GAS7: variants seen among roughly 807,000 people sequenced by gnomAD.
GAS7 encodes the protein growth arrest specific 7, also known as growth arrest-specific protein 7.
In GAS7, 28 loss-of-function variants were observed where a neutral mutation model predicts 71.1. The ratio of observed to expected loss-of-function variants is 0.39; its 90% CI spans 0.29 to 0.54. The LOEUF is 0.54. Ranked by LOEUF, GAS7 falls within the 20% of genes least tolerant of loss-of-function variation. GAS7 has a pLI of 0.62. For synonymous variants in GAS7, 258 were observed against 245.8 expected (o/e 1.05, Z -0.46); for missense variants, 436 against 627.8 (o/e 0.69, Z 3.27).
intron 1 of GAS7, among the ~76,000 whole-genome samples, chr17:10,070,753 G>T (rs947475667): frequency 1.3e-5 from 2 of 151,950 alleles, no homozygotes; most frequent in African/African-American, 4.8e-5. Flanking sequence ...CAGCAAAGAT[G>T]CCGTCCCTCC....
At position 10,032,079 on chromosome 17, in the gene GAS7, G is replaced by A. The variant is rs1049966997; in HGVS notation, c.184-12182C>T. ...CAAGGGAAGCAGGGACTGCTTCCCCGCCTTGAAGCCTGGAGGGGTTGGGGA... is the reference window on the plus strand; with the variant it reads ...CAAGGGAAGCAGGGACTGCTTCCCCACCTTGAAGCCTGGAGGGGTTGGGGA... On this transcript the variant is annotated intron_variant, in intron 1 of 13. Coordinates refer to ENST00000432992, the MANE Select transcript of GAS7 (RefSeq NM_201433.2). Among the ~76,000 whole-genome samples, 6 of 136,858 alleles carry A rather than the reference G, an allele frequency of 4.4e-5. 1 individual carries two copies. The highest frequency in any genetic ancestry group is 7.7e-5 in the Admixed American group (1 of 13,070). 89.8% of individuals were successfully genotyped at this position (136,858 alleles called of 152,430 possible). A position where few individuals can be genotyped will look rare whatever the true frequency, so the allele number is the denominator to read the frequency against.
At chr17:10,155,270 C>G (rs2074197460) in intron 1 of GAS7, among the ~76,000 whole-genome samples, 1 of 152,112 alleles carries the variant, frequency 6.6e-6, no homozygotes, top group Non-Finnish European at 1.5e-5. Context: ...CCCATCTCGG[C>G]CTCCCAAAGT....
chr17:10,144,916 A>C (rs1324204428), intron 1 of GAS7, among the ~76,000 whole-genome samples: 2 of 152,242 alleles, frequency 1.3e-5, no homozygotes, highest in African/African-American at 4.8e-5. Flanking sequence ...TGGCAGGTAC[A>C]ACAGGCCAGA....
At chr17:10,144,198 G>C (rs1490511653) in intron 1 of GAS7, among the ~76,000 whole-genome samples, 1 of 152,214 alleles carries the variant, frequency 6.6e-6, no homozygotes, top group Non-Finnish European at 1.5e-5. Context: ...TTGGGGTCCT[G>C]TTCAAAGCTG....
At chr17:10,183,591 G>A (rs1393589058) in intron 1 of GAS7, among the ~76,000 whole-genome samples, 6 of 152,228 alleles carry the variant, frequency 3.9e-5, no homozygotes, top group Non-Finnish European at 7.3e-5. Flanking sequence ...TGTAATCCCA[G>A]CACTTTGGGA....
chr17:10,075,615 C>T (rs985984805), intron 1 of GAS7, among the ~76,000 whole-genome samples: 2 of 151,668 alleles, frequency 1.3e-5, no homozygotes, highest in South Asian at 2.1e-4. Flanking sequence ...GGCAATATAG[C>T]GAGACCCTAC....
intron 1 of GAS7, among the ~76,000 whole-genome samples, chr17:10,098,199 A>G (rs1470310801): frequency 6.6e-6 from 1 of 152,166 alleles, no homozygotes; most frequent in Non-Finnish European, 1.5e-5. Context: ...AGCACATGGA[A>G]TAAAGAGTGA....
intron 1 of GAS7, among the ~76,000 whole-genome samples, chr17:10,176,825 C>T (rs532126812): frequency 6.6e-6 from 1 of 152,120 alleles, no homozygotes; most frequent in Admixed American, 6.6e-5. Flanking sequence ...GATGACCTGG[C>T]TATACTCCTT....
chr17:10,127,790 G>C (rs973936425), intron 1 of GAS7, among the ~76,000 whole-genome samples: 5 of 152,136 alleles, frequency 3.3e-5, no homozygotes, highest in African/African-American at 1.2e-4. Flanking sequence ...GACTAGGAGA[G>C]GAATCTCTGA....
At chr17:10,055,146 T>C (rs1263064343) in intron 1 of GAS7, among the ~76,000 whole-genome samples, 1 of 152,046 alleles carries the variant, frequency 6.6e-6, no homozygotes, top group Non-Finnish European at 1.5e-5. Context: ...GGTAGGATAG[T>C]GCACATCCTC....
At position 10,145,300 on chromosome 17, in the gene GAS7, G is replaced by A. The variant is rs139273408; in HGVS notation, c.183+52908C>T. On this transcript the variant is annotated intron_variant, in intron 1 of 13. Coordinates refer to ENST00000432992, the MANE Select transcript of GAS7 (RefSeq NM_201433.2). ...CACTCTCTGTATATCAGAGAAGCACGGGGGAAAGTACACAGGAAGGAAAAT... is the reference window on the plus strand; with the variant it reads ...CACTCTCTGTATATCAGAGAAGCACAGGGGAAAGTACACAGGAAGGAAAAT... 1.4e-4 allele frequency among the ~76,000 whole-genome samples: 22 copies of A among 152,368 alleles called. No individual in the cohort carries two copies. In the East Asian group the frequency reaches 3.1e-3, roughly 21 times the overall value.
chr17:10,136,469 G>A (rs539250408), intron 1 of GAS7, among the ~76,000 whole-genome samples: 24 of 152,146 alleles, frequency 1.6e-4, no homozygotes, highest in Non-Finnish European at 2.4e-4. Context: ...AAGGCAGCGC[G>A]GCTGATGCAT....
chr17:10,197,992 A>C (rs2074553034), intron 1 of GAS7, among the ~76,000 whole-genome samples: 2 of 152,088 alleles, frequency 1.3e-5, no homozygotes, highest in African/African-American at 2.4e-5. Flanking sequence ...GCAAGGTGGA[A>C]GCTCCCCGCG....
At chr17:10,019,333 C>T (rs536415495) in intron 2 of GAS7, among the ~76,000 whole-genome samples, 4 of 152,254 alleles carry the variant, frequency 2.6e-5, no homozygotes, top group East Asian at 1.9e-4. Context: ...AGGGAAACCT[C>T]GCATTTGCAA....
rs2067998416 is a variant in GAS7, at chr17:9,926,347, T to C, written c.1014+294A>G. Among the ~76,000 whole-genome samples, 1 of 152,102 alleles carries C rather than the reference T, an allele frequency of 6.6e-6. No homozygotes were observed. The highest frequency in any genetic ancestry group is 6.5e-5 in the Admixed American group (1 of 15,276). ...TGAACCAGCAGCAGCACTGCTAGGC[T>C]CGGGGTTTAACTGGTCGCCAACAGC... On this transcript the variant is annotated intron_variant, in intron 10 of 13. Transcript: ENST00000432992. The surrounding 1 kb of genome is among the most constrained non-coding windows in gnomAD (Gnocchi z 5.0).
chr17:10,177,763 C>T (rs911081355), intron 1 of GAS7, among the ~76,000 whole-genome samples: 1 of 152,166 alleles, frequency 6.6e-6, no homozygotes, highest in African/African-American at 2.4e-5. Context: ...AAGAGACTTG[C>T]AGCTGTAGCT....
intron 1 of GAS7, among the ~76,000 whole-genome samples, chr17:10,165,858 C>T (rs1192191518): frequency 3.3e-5 from 5 of 152,144 alleles, no homozygotes; most frequent in African/African-American, 1.2e-4. Flanking sequence ...TTTCACCTTG[C>T]CCCATCCAAA....
intron 1 of GAS7, among the ~76,000 whole-genome samples, chr17:10,145,755 C>A (rs2074116445): frequency 6.6e-6 from 1 of 152,078 alleles, no homozygotes. Context: ...CAGGAGTCAA[C>A]TGAGGGAAGG....
At chr17:9,955,764 C>T (rs567035350) in intron 5 of GAS7, among the ~76,000 whole-genome samples, 4 of 152,342 alleles carry the variant, frequency 2.6e-5, no homozygotes, top group Admixed American at 6.5e-5. Context: ...GTGTGTACTG[C>T]TCAGGGCAAG....
Sources: gnomAD v4.1 joint callset for allele counts (sites outside exome capture counted in the v4.1 genomes callset) on GRCh38, gnomAD v4.1.1 for gene constraint, Gnocchi (gnomAD v3.1) non-coding constraint, MANE v1.5 for transcripts, NCBI Gene and HGNC (gene_info 2026-07-23, HGNC 2026-07-21) for gene names.